SRGAP2C: variants seen among roughly 807,000 people sequenced by gnomAD.
SRGAP2C encodes SLIT-ROBO Rho GTPase-activating protein 2C.
SRGAP2C carries 15 observed loss-of-function variants against 25.1 expected under a neutral mutation model. That is an observed-to-expected ratio of 0.60 (90% CI 0.40 to 0.92). The LOEUF (loss-of-function observed/expected upper bound fraction) is 0.92, where lower values mean the gene tolerates loss of function less well. Ranked by LOEUF, SRGAP2C falls within the 40% of genes least tolerant of loss-of-function variation. The pLI, the probability that SRGAP2C is intolerant of heterozygous loss-of-function variation, is 0.00. For missense variants in SRGAP2C, 144 were observed against 264.4 expected (o/e 0.54, Z 3.16); for synonymous variants, 44 against 96.6 (o/e 0.46, Z 3.19).
At chr1:121,361,299 A>G (rs1659185843) in intron 4 of SRGAP2C, 1 of 98,378 alleles carries the variant, frequency 1.0e-5, no homozygotes, top group African/African-American at 3.6e-5. Flanking sequence ...GGAAACACTA[A>G]TAGACAAACC....
At chr1:121,313,866 C>T (rs1170616760) in intron 3 of SRGAP2C, among the ~76,000 whole-genome samples, 1 of 132,314 alleles carries the variant, frequency 7.6e-6, no homozygotes, top group Non-Finnish European at 1.6e-5. Flanking sequence ...ACATTTTTTC[C>T]TTCATTTCAA....
intron 2 of SRGAP2C, among the ~76,000 whole-genome samples, chr1:121,238,325 A>T (rs1656007595): frequency 6.6e-6 from 1 of 151,718 alleles, no homozygotes; most frequent in Non-Finnish European, 1.5e-5. Flanking sequence ...ACCACATTAG[A>T]ATCGTGCATT....
At chr1:121,260,511 G>A (rs1656602282) in intron 2 of SRGAP2C, among the ~76,000 whole-genome samples, 1 of 151,756 alleles carries the variant, frequency 6.6e-6, no homozygotes, top group African/African-American at 2.4e-5. Flanking sequence ...TACCATGATA[G>A]GCTGTTGGCT....
chr1:121,209,886 C>A (rs1203609113), intron 2 of SRGAP2C, among the ~76,000 whole-genome samples: 1 of 115,806 alleles, frequency 8.6e-6, no homozygotes, highest in Non-Finnish European at 1.8e-5. Flanking sequence ...GAACTTCAAA[C>A]AACAAATATA....
At chr1:121,202,179 A>C (rs2101395691) in intron 2 of SRGAP2C, among the ~76,000 whole-genome samples, 1 of 152,182 alleles carries the variant, frequency 6.6e-6, no homozygotes, top group East Asian at 1.9e-4. Flanking sequence ...TGATGAATTG[A>C]ACTCATGTTT....
intron 2 of SRGAP2C, among the ~76,000 whole-genome samples, chr1:121,259,424 G>A (rs1394120256): frequency 2.3e-5 from 3 of 130,944 alleles, no homozygotes; most frequent in Admixed American, 7.9e-5. Flanking sequence ...GGTTTGCAGT[G>A]AGCCAAGATC....
At chr1:121,362,570 T>C (rs1419591760) in intron 4 of SRGAP2C, among the ~76,000 whole-genome samples, 3 of 151,092 alleles carry the variant, frequency 2.0e-5, no homozygotes, top group Admixed American at 2.0e-4. Flanking sequence ...GGTAGAGGAA[T>C]AGGAGCTTTC....
intron 2 of SRGAP2C, among the ~76,000 whole-genome samples, chr1:121,201,587 G>A (rs1305611439): frequency 4.6e-5 from 7 of 152,234 alleles, no homozygotes; most frequent in Non-Finnish European, 8.8e-5. Context: ...AGGCATGCGC[G>A]TGTGCGCGCA....
chr1:121,271,117 GT>G, intron 2 of SRGAP2C, among the ~76,000 whole-genome samples: 1 of 150,788 alleles, frequency 6.6e-6, no homozygotes, highest in African/African-American at 2.4e-5. Flanking sequence ...TTTTTTTGGT[GT>G]TTTGTTTTGT....
At chr1:121,367,857 G>A (rs1425305910) in intron 5 of SRGAP2C, among the ~76,000 whole-genome samples, 4 of 143,004 alleles carry the variant, frequency 2.8e-5, no homozygotes, top group South Asian at 2.3e-4. Flanking sequence ...GGCAGATCAC[G>A]AGGTCAGGAG....
In SRGAP2C at chr1:121,329,196, G is replaced by A. The variant is rs1442776785; in HGVS notation, c.423+4556G>A. ...GTTGCACTTCAGTCTAGGCAACAGA[G>A]CAAGACTTCGTCTCAGAAAAAAAGA... On this transcript the variant is annotated intron_variant, in intron 4 of 9. Transcript: ENST00000367123. Among the ~76,000 whole-genome samples the A allele has an allele frequency of 5.8e-3, 875 of 151,370 alleles. 6 individuals carry two copies. The highest frequency in any genetic ancestry group is 7.5e-3 in the Non-Finnish European group (506 of 67,816).
intron 2 of SRGAP2C, among the ~76,000 whole-genome samples, chr1:121,280,591 G>C (rs1657219450): frequency 6.6e-6 from 1 of 151,794 alleles, no homozygotes; most frequent in South Asian, 2.1e-4. Flanking sequence ...GGCTCTACTG[G>C]GCACTCAGGG....
At chr1:121,334,704 G>A (rs1345895746) in intron 4 of SRGAP2C, among the ~76,000 whole-genome samples, 1 of 151,444 alleles carries the variant, frequency 6.6e-6, no homozygotes, top group East Asian at 1.9e-4. Flanking sequence ...TCATAAGAGT[G>A]TAAGCATGGT....
At chr1:121,348,638 G>A (rs2919082) in intron 4 of SRGAP2C, among the ~76,000 whole-genome samples, 83,830 of 143,004 alleles carry the variant, frequency 0.59, 24,995 homozygotes, top group East Asian at 0.79. Context: ...TCTTCCCCCT[G>A]TCTTTGCTCT....
chr1:121,250,523 CATA>C (rs1249162052), intron 2 of SRGAP2C, among the ~76,000 whole-genome samples: 1 of 143,422 alleles, frequency 7.0e-6, no homozygotes, highest in African/African-American at 2.6e-5. Context: ...GACTTAAAGG[CATA>C]CAGAGATGCT....
At chr1:121,282,682 G>C (rs1657275513) in intron 2 of SRGAP2C, among the ~76,000 whole-genome samples, 1 of 151,298 alleles carries the variant, frequency 6.6e-6, no homozygotes, top group Admixed American at 6.6e-5. Flanking sequence ...AGCCTCCCCA[G>C]TAGCTGGGAC....
At chr1:121,204,038 T>TGGTG (rs1655055487) in intron 2 of SRGAP2C, among the ~76,000 whole-genome samples, 1 of 82,316 alleles carries the variant, frequency 1.2e-5, no homozygotes, top group Admixed American at 1.2e-4. Flanking sequence ...AAAATAGAGA[T>TGGTG]AAGCCAGGCA....
intron 5 of SRGAP2C, among the ~76,000 whole-genome samples, chr1:121,366,182 G>C (rs1659316787): frequency 6.8e-6 from 1 of 146,956 alleles, no homozygotes; most frequent in Non-Finnish European, 1.5e-5. Flanking sequence ...GGATGTGCCA[G>C]CCTACTATGT....
At position 121,285,048 on chromosome 1, in the gene SRGAP2C, G is replaced by A. The variant is rs1445685850; in HGVS notation, c.260+53G>A. 8.5e-5 allele frequency: 68 copies of A among 801,688 alleles called. 2 individuals are homozygous for A. Among genetic ancestry groups the A allele is most frequent in the Middle Eastern group, 3.9e-4 (1 of 2,562 alleles). The allele number at this position is 801,688 out of a possible 1,614,324, so 49.7% of individuals were successfully genotyped here. A position where few individuals can be genotyped will look rare whatever the true frequency, so the allele number is the denominator to read the frequency against. On this transcript the variant is annotated intron_variant, in intron 3 of 9. Transcript: ENST00000367123. ...GAGACCTTGGAATATGGGGTCCAGGGTGGAGGGGGGCAGGGTATGCCACTT... is the reference window on the plus strand; with the variant it reads ...GAGACCTTGGAATATGGGGTCCAGGATGGAGGGGGGCAGGGTATGCCACTT...
Sources: gnomAD v4.1 joint callset for allele counts (sites outside exome capture counted in the v4.1 genomes callset) on GRCh38, gnomAD v4.1.1 for gene constraint, MANE v1.5 for transcripts, NCBI Gene and HGNC (gene_info 2026-07-23, HGNC 2026-07-21) for gene names.